BRWD3: variants seen among roughly 807,000 people sequenced by gnomAD.
BRWD3 encodes the protein bromodomain and WD repeat domain containing 3.
Under a neutral mutation model 149.7 loss-of-function variants are expected in BRWD3, and 10 were observed. That is an observed-to-expected ratio of 0.07 (90% CI 0.04 to 0.11). BRWD3 has a LOEUF of 0.11. BRWD3 is among the 10% of genes least tolerant of loss of function. The pLI, the probability that BRWD3 is intolerant of heterozygous loss-of-function variation, is 1.00. For missense variants in BRWD3, 940 were observed against 1,373.2 expected (o/e 0.68, Z 4.99); for synonymous variants, 504 against 456.7 (o/e 1.10, Z -1.32).
intron 14 of BRWD3, among the ~76,000 whole-genome samples, 183 bp downstream of exon 14, chrX:80,728,569 T>A (rs2073282261): frequency 9.0e-6 from 1 of 111,577 alleles, no homozygotes; most frequent in African/African-American, 3.2e-5. Flanking sequence ...CATACTTGCT[T>A]TTAGCAGGTA....
intron 17 of BRWD3, among the ~76,000 whole-genome samples, chrX:80,720,288 A>G (rs1008334045): frequency 1.8e-5 from 2 of 111,675 alleles, no homozygotes; most frequent in African/African-American, 6.5e-5. Flanking sequence ...AAGAGATAAC[A>G]GCTCCATATT....
chrX:80,762,070 A>G, intron 6 of BRWD3, among the ~76,000 whole-genome samples: 1 of 111,604 alleles, frequency 9.0e-6, no homozygotes, highest in Non-Finnish European at 1.9e-5. Flanking sequence ...TGCAAGAGAC[A>G]AAAAAATACA....
At chrX:80,804,707 C>G (rs1458019231) in intron 4 of BRWD3, among the ~76,000 whole-genome samples, 2 of 111,968 alleles carry the variant, frequency 1.8e-5, no homozygotes, top group African/African-American at 3.3e-5. Flanking sequence ...CAGTAAAGCT[C>G]CAAGGAGGAA....
At chrX:80,762,280 C>T (rs1378213161) in intron 6 of BRWD3, among the ~76,000 whole-genome samples, 1 of 111,702 alleles carries the variant, frequency 9.0e-6, no homozygotes, top group African/African-American at 3.3e-5. Flanking sequence ...ATTCTTAATG[C>T]AACTTCTCAT....
intron 14 of BRWD3, among the ~76,000 whole-genome samples, chrX:80,726,660 T>C (rs1316397927): frequency 9.1e-6 from 1 of 110,345 alleles, no homozygotes; most frequent in Non-Finnish European, 1.9e-5. Flanking sequence ...AATCATGCTA[T>C]TAAAAAAAAT....
At chrX:80,739,863 A>C (rs1441372731) in intron 8 of BRWD3, among the ~76,000 whole-genome samples, 2 of 112,192 alleles carry the variant, frequency 1.8e-5, no homozygotes, top group African/African-American at 6.5e-5. Flanking sequence ...AAAGTATGTC[A>C]TTGCACTGCA....
At chrX:80,686,775 G>A (rs2072532242) in intron 35 of BRWD3, 88 bp downstream of exon 35, 2 of 963,289 alleles carry the variant, frequency 2.1e-6, no homozygotes, top group Non-Finnish European at 2.9e-6. Context: ...GAAAGGAGAG[G>A]TGAGAAAATT....
At chrX:80,795,142 A>G (rs1278890777) in intron 4 of BRWD3, among the ~76,000 whole-genome samples, 2 of 111,420 alleles carry the variant, frequency 1.8e-5, no homozygotes, top group African/African-American at 6.5e-5. Flanking sequence ...TAAAACAACA[A>G]AAATCGTGTT....
At chrX:80,735,934 G>A in intron 9 of BRWD3, 54 bp downstream of exon 9, 2 of 789,107 alleles carry the variant, frequency 2.5e-6, no homozygotes, top group South Asian at 2.3e-5. Flanking sequence ...TAAGAATCAA[G>A]GCAATAGATA....
At chrX:80,729,081 A>C (rs2073289650) in intron 13 of BRWD3, among the ~76,000 whole-genome samples, 176 bp from the exon 14 acceptor site, 1 of 111,832 alleles carries the variant, frequency 8.9e-6, no homozygotes. Flanking sequence ...GCATAGGGCA[A>C]TACCCATTAG....
chrX:80,733,558 T>C, intron 11 of BRWD3, 62 bp from the exon 12 acceptor site: 1 of 937,268 alleles, frequency 1.1e-6, no homozygotes, highest in Non-Finnish European at 1.5e-6. Flanking sequence ...TTAAGTGCTC[T>C]TTCTCTCAAA....
Position 80,682,060 on chromosome X carries a change from G to T in BRWD3, c.4432C>A (p.Pro1478Thr), listed in dbSNP as rs372009174. Residue 1478 changes from proline (P) to threonine (T), a missense_variant, in exon 39 of 41, where the codon CCT (proline) becomes ACT (threonine). Coordinates refer to ENST00000373275, the MANE Select transcript of BRWD3 (RefSeq NM_153252.5). ...ACTGAGGTATTCTGGTCATTTTTAG[G>T]CTGCAACTTCATTTGTTTCTGCTTC... ...KGKQKQMKLQPKNDQNTSVSH... is the reference protein window; with the variant it reads ...KGKQKQMKLQTKNDQNTSVSH... 1 of 1,209,075 alleles carries T rather than the reference G, an allele frequency of 8.3e-7. No homozygotes were observed. Among genetic ancestry groups the T allele is most frequent in the South Asian group, 1.8e-5 (1 of 56,913 alleles).
chrX:80,743,109 T>C lies in BRWD3; in HGVS notation c.813+923A>G, dbSNP rs2073541029. 3.6e-5 allele frequency among the ~76,000 whole-genome samples: 4 copies of C among 111,798 alleles called. No homozygotes were observed. The South Asian group carries it at 1.1e-3, about 31-fold the overall frequency. On this transcript the variant is annotated intron_variant, in intron 8 of 40. Coordinates refer to ENST00000373275, the MANE Select transcript of BRWD3 (RefSeq NM_153252.5). Reference sequence around the variant, plus strand: ...TATTGAGAGTTTTTAGCATGAAGCGTTGTTGAATTTTGTCAAAGGCCTTTT... The same window carrying C: ...TATTGAGAGTTTTTAGCATGAAGCGCTGTTGAATTTTGTCAAAGGCCTTTT...
intron 4 of BRWD3, among the ~76,000 whole-genome samples, chrX:80,798,290 C>A (rs1049665594): frequency 9.0e-6 from 1 of 110,526 alleles, no homozygotes; most frequent in South Asian, 3.8e-4. Context: ...AACTTTAGGT[C>A]TTATAAGGGT....
At chrX:80,730,907 T>C (rs1339243174) in intron 12 of BRWD3, among the ~76,000 whole-genome samples, 1 of 111,939 alleles carries the variant, frequency 8.9e-6, no homozygotes, top group Non-Finnish European at 1.9e-5. Flanking sequence ...TTTTAATAAG[T>C]GTTCAACTAT....
At chrX:80,802,733 A>G (rs1300193101) in intron 4 of BRWD3, among the ~76,000 whole-genome samples, 1 of 110,802 alleles carries the variant, frequency 9.0e-6, no homozygotes, top group Non-Finnish European at 1.9e-5. Context: ...TAATTTCCCT[A>G]GGGTCACTCA....
chrX:80,719,333 G>C (rs1451672444), intron 18 of BRWD3, among the ~76,000 whole-genome samples, 156 bp downstream of exon 18: 1 of 111,506 alleles, frequency 9.0e-6, no homozygotes, highest in East Asian at 2.8e-4. Context: ...CACAAATGAT[G>C]AGATTATGAG....
At chrX:80,768,805 G>GA (rs1484329255) in intron 6 of BRWD3, among the ~76,000 whole-genome samples, 1 of 110,100 alleles carries the variant, frequency 9.1e-6, no homozygotes, top group Non-Finnish European at 1.9e-5. Context: ...AAAGAGTCAA[G>GA]ACCAATCAGT....
intron 10 of BRWD3, among the ~76,000 whole-genome samples, chrX:80,734,900 C>A (rs1351316422): frequency 9.2e-6 from 1 of 108,516 alleles, no homozygotes; most frequent in Non-Finnish European, 1.9e-5. Context: ...TTTTACCAAG[C>A]AAAATCACCA....
Sources: allele counts gnomAD v4.1 joint callset (sites outside exome capture counted in the v4.1 genomes callset), GRCh38; gene constraint gnomAD v4.1.1; transcripts MANE v1.5; gene names NCBI Gene and HGNC (gene_info 2026-07-23, HGNC 2026-07-21).